The following KCTD8 variants were observed in gnomAD, a reference collection of about 807,000 sequenced individuals.
KCTD8 encodes potassium channel tetramerization domain containing 8, also known as BTB/POZ domain-containing protein KCTD8.
KCTD8 carries 27 observed loss-of-function variants against 31.5 expected under a neutral mutation model. That is an observed-to-expected ratio of 0.86 (90% CI 0.63 to 1.18). KCTD8 has a LOEUF of 1.18. KCTD8 is among the 50% of genes most tolerant of loss of function. KCTD8 has a pLI of 0.00. For missense variants in KCTD8, 658 were observed against 647.7 expected (o/e 1.02, Z -0.17); for synonymous variants, 290 against 280.0 (o/e 1.04, Z -0.36).
In KCTD8 at chr4:44,265,754, C is replaced by T. The variant is rs550163508; in HGVS notation, c.962-90504G>A. On this transcript the variant is annotated intron_variant, in intron 1 of 1. Transcript: ENST00000360029. ...AGAACTACGTGAAGAATGCAGAAGCCTCAGGAGCCGACGCAATCAACTGGA... is the reference window on the plus strand; with the variant it reads ...AGAACTACGTGAAGAATGCAGAAGCTTCAGGAGCCGACGCAATCAACTGGA... Among the ~76,000 whole-genome samples the T allele has an allele frequency of 3.9e-4, 59 of 152,178 alleles. No homozygotes were observed. In the South Asian group the frequency reaches 0.011, roughly 29 times the overall value.
intron 1 of KCTD8, among the ~76,000 whole-genome samples, chr4:44,184,430 C>CAAAAG (rs375779677): frequency 9.4e-4 from 143 of 151,864 alleles, no homozygotes; most frequent in African/African-American, 2.9e-3. Context: ...AAGAGTATAA[C>CAAAAG]AAAAGAAAAG....
chr4:44,350,267 A>G (rs1719163015), intron 1 of KCTD8, among the ~76,000 whole-genome samples: 1 of 152,184 alleles, frequency 6.6e-6, no homozygotes, highest in Admixed American at 6.5e-5. Flanking sequence ...CTTCTCAGTT[A>G]TTAAAATCCT....
At chr4:44,366,158 G>C (rs987057952) in intron 1 of KCTD8, among the ~76,000 whole-genome samples, 2 of 151,276 alleles carry the variant, frequency 1.3e-5, no homozygotes, top group African/African-American at 4.9e-5. Context: ...TGTACGACTA[G>C]AAAAAAAAAT....
chr4:44,325,221 G>A (rs1391899586), intron 1 of KCTD8, among the ~76,000 whole-genome samples: 2 of 151,962 alleles, frequency 1.3e-5, no homozygotes, highest in Non-Finnish European at 1.5e-5. Context: ...GGTACGTGAG[G>A]TGTGTATGTA....
chr4:44,369,731 G>T (rs1482110519), intron 1 of KCTD8, among the ~76,000 whole-genome samples: 1 of 152,098 alleles, frequency 6.6e-6, no homozygotes, highest in African/African-American at 2.4e-5. Context: ...CAGGGGGGTT[G>T]TGGCTGCAGT....
intron 1 of KCTD8, among the ~76,000 whole-genome samples, chr4:44,284,028 A>T (rs571362909): frequency 6.6e-6 from 1 of 152,328 alleles, no homozygotes; most frequent in African/African-American, 2.4e-5. Context: ...GAAAGAATCA[A>T]TATGGTGAAA....
At chr4:44,309,590 A>G (rs1717894968) in intron 1 of KCTD8, among the ~76,000 whole-genome samples, 1 of 152,170 alleles carries the variant, frequency 6.6e-6, no homozygotes, top group African/African-American at 2.4e-5. Flanking sequence ...GTTGAATTTT[A>G]TAACTGTCAC....
At chr4:44,245,586 T>C (rs1295591610) in intron 1 of KCTD8, among the ~76,000 whole-genome samples, 1 of 151,998 alleles carries the variant, frequency 6.6e-6, no homozygotes, top group Non-Finnish European at 1.5e-5. Context: ...AGTAGAAAGA[T>C]AATATTTTTT....
At position 44,448,597 on chromosome 4, in the gene KCTD8, C is replaced by A; in HGVS notation, c.-74G>T. 7.4e-7 allele frequency: 1 copy of A among 1,352,310 alleles called. No individual in the cohort carries two copies. The highest frequency in any genetic ancestry group is 2.1e-5 in the South Asian group (1 of 47,296). The allele number at this position is 1,352,310 out of a possible 1,614,324, so 83.8% of individuals were successfully genotyped here. The stretch of plus-strand genomic sequence containing the variant: ...TTCCCGGAGCCCGCGCCCCAGCCCT[C>A]CGCGTGCTCCTGGCGCTCTGCGCCC... On this transcript the variant is annotated 5_prime_UTR_variant, in exon 1 of 2. Transcript: ENST00000360029. The surrounding 1 kb of genome is among the most constrained non-coding windows in gnomAD (Gnocchi z 4.1).
intron 1 of KCTD8, among the ~76,000 whole-genome samples, chr4:44,425,246 A>G (rs950073601): frequency 6.6e-6 from 1 of 152,064 alleles, no homozygotes; most frequent in Non-Finnish European, 1.5e-5. Flanking sequence ...TGGGAAAGGA[A>G]GAACCCATTT....
intron 1 of KCTD8, among the ~76,000 whole-genome samples, chr4:44,216,256 G>C (rs2109345828): frequency 6.6e-6 from 1 of 152,200 alleles, no homozygotes; most frequent in South Asian, 2.1e-4. Context: ...GGGTGGGTAT[G>C]TTCAAATGTT....
chr4:44,292,561 A>C (rs998616296), intron 1 of KCTD8, among the ~76,000 whole-genome samples: 8 of 152,212 alleles, frequency 5.3e-5, no homozygotes, highest in African/African-American at 1.9e-4. Flanking sequence ...TGTACCTCAA[A>C]TCTCAGCATC....
At position 44,325,298 on chromosome 4, in the gene KCTD8, G is replaced by A. The variant is rs113392749; in HGVS notation, c.961+122265C>T. Among the ~76,000 whole-genome samples the A allele has an allele frequency of 9.0e-3, 1,367 of 151,946 alleles. 30 individuals carry two copies. Among genetic ancestry groups the A allele is most frequent in the African/African-American group, 0.027 (1,129 of 41,364 alleles). On this transcript the variant is annotated intron_variant, in intron 1 of 1. Transcript: ENST00000360029. ...GGAATAAAGACTGAAAGTTGAGGGCGAAGGAATACTGTTCCTAGAACTGCC... is the reference window on the plus strand; with the variant it reads ...GGAATAAAGACTGAAAGTTGAGGGCAAAGGAATACTGTTCCTAGAACTGCC...
chr4:44,254,996 C>T (rs965136411), intron 1 of KCTD8, among the ~76,000 whole-genome samples: 5 of 151,858 alleles, frequency 3.3e-5, no homozygotes, highest in Non-Finnish European at 7.4e-5. Context: ...GGGGTTTCCA[C>T]ACCCCAGAAA....
At chr4:44,263,199 A>C (rs1240841025) in intron 1 of KCTD8, among the ~76,000 whole-genome samples, 1 of 152,142 alleles carries the variant, frequency 6.6e-6, no homozygotes, top group African/African-American at 2.4e-5. Flanking sequence ...CAGCAAGTTT[A>C]TGCCTAAAAA....
At chr4:44,315,782 G>A (rs1464750820) in intron 1 of KCTD8, among the ~76,000 whole-genome samples, 1 of 152,070 alleles carries the variant, frequency 6.6e-6, no homozygotes, top group East Asian at 1.9e-4. Flanking sequence ...GGAAGTCATT[G>A]TTCTCAGGTT....
intron 1 of KCTD8, among the ~76,000 whole-genome samples, chr4:44,440,918 A>G (rs1437065827): frequency 1.3e-5 from 2 of 152,188 alleles, no homozygotes; most frequent in Non-Finnish European, 2.9e-5. Context: ...TGAAAAGCCA[A>G]TGGGTCAGGG....
intron 1 of KCTD8, among the ~76,000 whole-genome samples, chr4:44,420,294 A>G (rs1271402580): frequency 6.6e-6 from 1 of 152,204 alleles, no homozygotes; most frequent in Non-Finnish European, 1.5e-5. Context: ...GAAGGTCACA[A>G]GGCAACCAAC....
At chr4:44,291,592 A>T (rs1399835246) in intron 1 of KCTD8, among the ~76,000 whole-genome samples, 1 of 152,078 alleles carries the variant, frequency 6.6e-6, no homozygotes, top group Non-Finnish European at 1.5e-5. Flanking sequence ...GTCCCCAAAA[A>T]CAATTACAAC....
Sources: allele counts gnomAD v4.1 joint callset (sites outside exome capture counted in the v4.1 genomes callset), GRCh38; gene constraint gnomAD v4.1.1; non-coding constraint Gnocchi (gnomAD v3.1); transcripts MANE v1.5; gene names NCBI Gene and HGNC (gene_info 2026-07-23, HGNC 2026-07-21).